Variants in GPN1 observed in about 807,000 individuals in gnomAD.
GPN1 encodes ATP(GTP)-binding protein.
GPN1 carries 44 observed loss-of-function variants against 55.9 expected under a neutral mutation model. That is an observed-to-expected ratio of 0.79 (90% CI 0.62 to 1.01). The LOEUF is 1.01. GPN1 is among the 50% of genes least tolerant of loss of function. The pLI is 0.00. For missense variants in GPN1, 466 were observed against 462.8 expected (o/e 1.01, Z -0.06); for synonymous variants, 179 against 162.5 (o/e 1.10, Z -0.77).
intron 3 of GPN1, 166 bp downstream of exon 3, chr2:27,631,232 G>C (rs1161097300): frequency 6.6e-6 from 4 of 604,366 alleles, no homozygotes; most frequent in Non-Finnish European, 1.2e-5. Flanking sequence ...TTCAGCTTGA[G>C]ATTTTAGTTT....
intron 9 of GPN1, 114 bp from the exon 10 acceptor site, chr2:27,639,929 T>C: frequency 1.3e-6 from 1 of 781,984 alleles, no homozygotes; most frequent in African/African-American, 1.7e-5. Flanking sequence ...GCCAAAGACT[T>C]CTCAAAATAT....
Position 27,638,995 on chromosome 2 carries a change from G to A in GPN1, c.681G>A (p.Met227Ile). 2.5e-6 allele frequency: 4 copies of A among 1,613,418 alleles called. No homozygotes were observed. The highest frequency in any genetic ancestry group is 3.4e-6 in the Non-Finnish European group (4 of 1,179,650). The part of the protein sequence containing the change: ...TTYVSNLTRS[M>I]SLVLDEFYSS... ...ACGTCAGTAACCTGACTCGTTCAAT[G>A]AGCCTGGTGTTAGATGAGTTTTACA... The change falls in exon 9 of 14, where the codon ATG becomes ATA. Residue 227 changes from methionine (M) to isoleucine (I), a missense_variant. By Grantham distance (10) the Met-to-Ile change is conservative (BLOSUM62 1). Coordinates refer to ENST00000610189, the MANE Select transcript of GPN1 (RefSeq NM_007266.4).
chr2:27,639,359 A>T (rs937863681), intron 9 of GPN1, among the ~76,000 whole-genome samples: 8 of 152,318 alleles, frequency 5.3e-5, no homozygotes, highest in Non-Finnish European at 1.0e-4. Flanking sequence ...ATGTAGCATT[A>T]GAGGTATGCT....
intron 12 of GPN1, among the ~76,000 whole-genome samples, chr2:27,642,954 T>C (rs989978236): frequency 0.018 from 834 of 46,766 alleles, 7 homozygotes; most frequent in African/African-American, 0.034. Flanking sequence ...TATATATATA[T>C]ATATACACAC....
In GPN1 at chr2:27,651,138, C is replaced by T. The variant is rs184864557; in HGVS notation, c.*938C>T. The T allele has an allele frequency of 1.3e-3, 195 of 152,454 alleles. 2 individuals are homozygous for T. Among genetic ancestry groups the T allele is most frequent in the African/African-American group, 4.5e-3 (186 of 41,558 alleles). The allele number at this position is 152,454 out of a possible 1,614,324, so 9.4% of individuals were successfully genotyped here. Reference sequence around the variant, plus strand: ...CATAACAGCCCTTATAAACGTTTGCCCTGCCTCCACATTTTACAGTATCTT... The same window carrying T: ...CATAACAGCCCTTATAAACGTTTGCTCTGCCTCCACATTTTACAGTATCTT... On this transcript the variant is annotated 3_prime_UTR_variant, in exon 14 of 14. Transcript: ENST00000610189.
upstream of GPN1, chr2:27,628,921 G>A (rs981608749): frequency 2.5e-5 from 38 of 1,494,394 alleles, no homozygotes; most frequent in Non-Finnish European, 3.0e-5. Context: ...ACGCTAAGAA[G>A]ATGCCCTGGC....
At chr2:27,629,203 G>A in intron 1 of GPN1, 34 bp downstream of exon 1, 1 of 1,603,486 alleles carries the variant, frequency 6.2e-7, no homozygotes, top group Non-Finnish European at 8.5e-7. Context: ...GTAGGGGAGC[G>A]CAAAAGGTTG....
chr2:27,647,818 T>G lies in GPN1; in HGVS notation c.932-18T>G, dbSNP rs1327358285. 7.0e-7 allele frequency: 1 copy of G among 1,435,502 alleles called. No homozygotes were observed. The highest frequency in any genetic ancestry group is 9.8e-7 in the Non-Finnish European group (1 of 1,017,132). 88.9% of individuals were successfully genotyped at this position (1,435,502 alleles called of 1,614,324 possible). ...CCTTTTTGAGGAGGCATATCACTGA[T>G]AGGTGTTTTCACTGTAGACAGCTTA... On this transcript the variant is annotated intron_variant, in intron 12 of 13. Transcript: ENST00000610189.
intron 11 of GPN1, chr2:27,642,160 C>T (rs945194396): frequency 7.4e-5 from 25 of 339,414 alleles, no homozygotes; most frequent in African/African-American, 5.1e-4. Flanking sequence ...CTGAACTCAA[C>T]ACTTTAGAAT....
intron 7 of GPN1, among the ~76,000 whole-genome samples, chr2:27,637,129 C>G (rs532157579): frequency 6.6e-6 from 1 of 152,134 alleles, no homozygotes; most frequent in African/African-American, 2.4e-5. Flanking sequence ...AACTTAATTA[C>G]TAAAGGCCTA....
At chr2:27,632,156 G>A (rs953592961) in intron 4 of GPN1, among the ~76,000 whole-genome samples, 1 of 152,162 alleles carries the variant, frequency 6.6e-6, no homozygotes, top group Admixed American at 6.5e-5. Context: ...TTTGCCTGTG[G>A]TATTACCCCG....
intron 12 of GPN1, among the ~76,000 whole-genome samples, chr2:27,645,294 C>G (rs1439275646): frequency 1.3e-5 from 2 of 151,986 alleles, no homozygotes; most frequent in Non-Finnish European, 2.9e-5. Context: ...TTTTAACTTG[C>G]TTTGGTGAGC....
intron 3 of GPN1, 118 bp from the exon 4 acceptor site, chr2:27,631,716 T>C: frequency 1.4e-6 from 1 of 732,898 alleles, no homozygotes. Flanking sequence ...AAGGATTAGG[T>C]TGCCAGTATC....
chr2:27,648,728 C>T (rs1012392087), intron 13 of GPN1, among the ~76,000 whole-genome samples: 18 of 152,122 alleles, frequency 1.2e-4, no homozygotes, highest in African/African-American at 2.4e-4. Flanking sequence ...CGCTGCCTCC[C>T]GGGTTCAAGT....
At chr2:27,641,312 G>A (rs767218699) in intron 11 of GPN1, 33 bp downstream of exon 11, 5 of 1,525,734 alleles carry the variant, frequency 3.3e-6, no homozygotes, top group Admixed American at 3.4e-5. Flanking sequence ...TATTTTAAAA[G>A]GGCCATTAAA....
chr2:27,630,880 A>C (rs915035431), intron 2 of GPN1, 147 bp from the exon 3 acceptor site: 1 of 669,856 alleles, frequency 1.5e-6, no homozygotes, highest in Non-Finnish European at 2.7e-6. Context: ...CTTGGCATTT[A>C]TTCTTTGTAA....
Position 27,631,540 on chromosome 2 carries a change from G to A in GPN1, c.246-294G>A. 5.8e-6 allele frequency: 3 copies of A among 515,212 alleles called. No homozygotes were observed. The South Asian group carries it at 6.8e-5, about 12-fold the overall frequency. 31.9% of individuals were successfully genotyped at this position (515,212 alleles called of 1,614,324 possible). A position where few individuals can be genotyped will look rare whatever the true frequency, so the allele number is the denominator to read the frequency against. On this transcript the variant is annotated intron_variant, in intron 3 of 13. Transcript: ENST00000610189. ...GATCAGAGCCGGAGGTGTTATACAGGTGGCCTTAATGACCAATGCCAGTGG... is the reference window on the plus strand; with the variant it reads ...GATCAGAGCCGGAGGTGTTATACAGATGGCCTTAATGACCAATGCCAGTGG...
intron 13 of GPN1, 125 bp downstream of exon 13, chr2:27,648,068 A>C (rs1432804055): frequency 3.1e-6 from 2 of 640,440 alleles, no homozygotes; most frequent in Non-Finnish European, 5.7e-6. Flanking sequence ...GCACCAGAAA[A>C]GAGTTTCCTA....
At chr2:27,631,206 T>C in intron 3 of GPN1, 140 bp downstream of exon 3, 2 of 637,348 alleles carry the variant, frequency 3.1e-6, no homozygotes, top group South Asian at 3.6e-5. Context: ...GAGAGGTAGG[T>C]GATCAGAAAT....
Sources: allele counts gnomAD v4.1 joint callset (sites outside exome capture counted in the v4.1 genomes callset), GRCh38; gene constraint gnomAD v4.1.1; transcripts MANE v1.5; gene names NCBI Gene and HGNC (gene_info 2026-07-23, HGNC 2026-07-21).